PTPRM: variants seen among roughly 807,000 people sequenced by gnomAD.
The protein encoded by PTPRM is protein tyrosine phosphatase receptor type M, also known as receptor-type tyrosine-protein phosphatase mu.
Under a neutral mutation model 186.7 loss-of-function variants are expected in PTPRM, and 47 were observed. The ratio of observed to expected loss-of-function variants is 0.25; its 90% CI spans 0.20 to 0.32. The LOEUF (loss-of-function observed/expected upper bound fraction) is 0.32, where lower values mean the gene tolerates loss of function less well. PTPRM is among the 10% of genes least tolerant of loss of function. The pLI, the probability that PTPRM is intolerant of heterozygous loss-of-function variation, is 1.00. For synonymous variants in PTPRM, 668 were observed against 674.9 expected (o/e 0.99, Z 0.16); for missense variants, 1,494 against 1,865.0 (o/e 0.80, Z 3.66).
chr18:7,981,376 A>G (rs1306514061), intron 7 of PTPRM, among the ~76,000 whole-genome samples: 2 of 152,188 alleles, frequency 1.3e-5, no homozygotes, highest in Non-Finnish European at 2.9e-5. Flanking sequence ...GTGGGCTTTC[A>G]ACAGATATTT....
intron 23 of PTPRM, among the ~76,000 whole-genome samples, chr18:8,352,971 G>A (rs985182958): frequency 1.3e-5 from 2 of 151,906 alleles, no homozygotes; most frequent in Non-Finnish European, 2.9e-5. Context: ...CACCCGGCCC[G>A]ATTTCGTTTT....
intron 7 of PTPRM, among the ~76,000 whole-genome samples, chr18:8,019,881 C>T (rs531153107): frequency 1.3e-5 from 2 of 150,486 alleles, no homozygotes; most frequent in Non-Finnish European, 3.0e-5. Flanking sequence ...TTTAACCCAA[C>T]GCTCTTGGGT....
At chr18:7,672,145 CGT>C (rs1336987762) in intron 1 of PTPRM, among the ~76,000 whole-genome samples, 2 of 152,054 alleles carry the variant, frequency 1.3e-5, no homozygotes, top group Non-Finnish European at 2.9e-5. Flanking sequence ...AAATGGGTGG[CGT>C]GTTTTTTCAT....
intron 2 of PTPRM, among the ~76,000 whole-genome samples, chr18:7,820,926 C>G (rs1386425144): frequency 1.3e-5 from 2 of 152,192 alleles, no homozygotes; most frequent in African/African-American, 4.8e-5. Flanking sequence ...CACATGAGCT[C>G]TTCTGCTGGC....
chr18:8,279,921 C>T (rs765834346), intron 19 of PTPRM, among the ~76,000 whole-genome samples: 16 of 152,154 alleles, frequency 1.1e-4, no homozygotes, highest in Non-Finnish European at 1.8e-4. Flanking sequence ...CTGGCTAGGG[C>T]ACAGCAGGCA....
chr18:7,985,221 A>C (rs974353071), intron 7 of PTPRM, among the ~76,000 whole-genome samples: 7 of 114,050 alleles, frequency 6.1e-5, no homozygotes, highest in Non-Finnish European at 1.2e-4. Context: ...GTATATACAC[A>C]TATAAATATA....
At chr18:7,885,356 G>C (rs2048730626) in intron 2 of PTPRM, among the ~76,000 whole-genome samples, 1 of 152,116 alleles carries the variant, frequency 6.6e-6, no homozygotes. Context: ...CTTAGGAGTG[G>C]AAAGAGGAAT....
At chr18:8,026,935 A>T (rs2085607798) in intron 7 of PTPRM, among the ~76,000 whole-genome samples, 1 of 152,230 alleles carries the variant, frequency 6.6e-6, no homozygotes, top group Non-Finnish European at 1.5e-5. Context: ...GTCTTGTACA[A>T]TAAGGCATTG....
At chr18:7,609,311 C>CA (rs1007905935) in intron 1 of PTPRM, among the ~76,000 whole-genome samples, 3 of 152,062 alleles carry the variant, frequency 2.0e-5, no homozygotes, top group African/African-American at 7.2e-5. Context: ...ACAAAGTTCC[C>CA]AGCTCACTAC....
At chr18:8,354,469 C>T (rs200361452) in intron 23 of PTPRM, among the ~76,000 whole-genome samples, 2 of 152,204 alleles carry the variant, frequency 1.3e-5, no homozygotes, top group South Asian at 4.1e-4. Context: ...GACCAGGTCA[C>T]GAGCTACAGA....
At chr18:8,159,154 G>A (rs1309192969) in intron 14 of PTPRM, among the ~76,000 whole-genome samples, 1 of 150,288 alleles carries the variant, frequency 6.7e-6, no homozygotes, top group Non-Finnish European at 1.5e-5. Flanking sequence ...GGATACAGAG[G>A]CGCCACTGTG....
At chr18:8,373,884 C>G (rs113358390) in intron 24 of PTPRM, among the ~76,000 whole-genome samples, 3,679 of 141,800 alleles carry the variant, frequency 0.026, 155 homozygotes, top group African/African-American at 0.093. Flanking sequence ...GACCCTGTCT[C>G]GGAAAAAAAA....
chr18:7,887,525 C>G (rs1374112940), intron 2 of PTPRM, among the ~76,000 whole-genome samples: 6 of 152,154 alleles, frequency 3.9e-5, no homozygotes, highest in African/African-American at 1.2e-4. Flanking sequence ...CAGCAGGGAA[C>G]AGATGGGGCC....
intron 11 of PTPRM, among the ~76,000 whole-genome samples, chr18:8,102,586 C>T (rs530810387): frequency 6.6e-6 from 1 of 151,122 alleles, no homozygotes; most frequent in African/African-American, 2.5e-5. Context: ...TGCAGCAATT[C>T]AGTCATGTCC....
chr18:7,941,903 G>C (rs999375442), intron 5 of PTPRM, among the ~76,000 whole-genome samples: 3 of 152,222 alleles, frequency 2.0e-5, no homozygotes, highest in Non-Finnish European at 4.4e-5. Context: ...ACTGGAGGAA[G>C]AAAAGTAATA....
Position 7,720,579 on chromosome 18 carries a change from C to G in PTPRM, c.74-53570C>G, listed in dbSNP as rs533104489. Among the ~76,000 whole-genome samples the G allele has an allele frequency of 3.9e-5, 6 of 152,260 alleles. No individual in the cohort carries two copies. In the East Asian group the frequency reaches 1.2e-3, roughly 29 times the overall value. On this transcript the variant is annotated intron_variant, in intron 1 of 32. Transcript: ENST00000580170. ...TGTCATATTGTTGTGCAACCATTCT[C>G]CAGAACTCTTTTCACCTTGCTAACC...
At chr18:7,825,288 A>G (rs574442665) in intron 2 of PTPRM, among the ~76,000 whole-genome samples, 2 of 152,266 alleles carry the variant, frequency 1.3e-5, no homozygotes, top group African/African-American at 4.8e-5. Flanking sequence ...TCACGTTTTC[A>G]AGGGAAACAC....
intron 1 of PTPRM, among the ~76,000 whole-genome samples, chr18:7,757,477 G>A (rs1009136016): frequency 4.6e-5 from 7 of 152,196 alleles, no homozygotes; most frequent in African/African-American, 1.4e-4. Flanking sequence ...TTCCACTGTA[G>A]AAATGTAAGT....
chr18:7,918,655 T>C (rs148625620), intron 4 of PTPRM, among the ~76,000 whole-genome samples: 620 of 152,288 alleles, frequency 4.1e-3, no homozygotes, highest in African/African-American at 0.014. Context: ...ACTATTTGTA[T>C]TTTTGCTTGA....
Sources: gnomAD v4.1 joint callset for allele counts (sites outside exome capture counted in the v4.1 genomes callset) on GRCh38, gnomAD v4.1.1 for gene constraint, MANE v1.5 for transcripts, NCBI Gene and HGNC (gene_info 2026-07-23, HGNC 2026-07-21) for gene names.